PCDHGB2: variants seen among roughly 807,000 people sequenced by gnomAD.
PCDHGB2 encodes the protein protocadherin gamma-B2.
Under a neutral mutation model 59.3 loss-of-function variants are expected in PCDHGB2, and 55 were observed. That is an observed-to-expected ratio of 0.93 (90% CI 0.75 to 1.16). The LOEUF is 1.16. Ranked by LOEUF, PCDHGB2 falls within the 50% of genes most tolerant of loss-of-function variation. The pLI, the probability that PCDHGB2 is intolerant of heterozygous loss-of-function variation, is 0.00. For missense variants in PCDHGB2, 1,228 were observed against 1,198.5 expected, an observed-to-expected ratio of 1.02 and a Z score of -0.36; for synonymous variants, 516 against 512.0, an observed-to-expected ratio of 1.01 and a Z score of -0.11.
chr5:141,360,595 C>G lies in PCDHGB2; in HGVS notation c.460C>G (p.Leu154Val). ...CACTAAGCCAGGTACAACATTTCCA[C>G]TTGACCCAGCCCTGGATTCAGATGT... ...ESTKPGTTFP[L>V]DPALDSDVGP... The change falls in exon 1 of 4, where the codon CTT (leucine) becomes GTT (valine). Residue 154 changes from leucine (L) to valine (V), a missense_variant. Around this residue, in one of 3 missense-constraint regions of PCDHGB2, gnomAD observed 781 missense variants for 721.6 expected, o/e 1.08. Coordinates refer to ENST00000522605, the MANE Select transcript of PCDHGB2 (RefSeq NM_018923.3). The G allele has an allele frequency of 1.2e-6, 2 of 1,614,022 alleles. No homozygotes were observed. The highest frequency in any genetic ancestry group is 1.7e-6 in the Non-Finnish European group (2 of 1,179,898).
intron 1 of PCDHGB2, chr5:141,408,721 C>T (rs994778084): frequency 6.2e-7 from 1 of 1,611,372 alleles, no homozygotes; most frequent in Non-Finnish European, 8.5e-7. Flanking sequence ...ATAAGATAAA[C>T]TCTAATCCTT....
intron 1 of PCDHGB2, chr5:141,398,580 A>T: frequency 1.2e-6 from 2 of 1,614,044 alleles, no homozygotes; most frequent in Non-Finnish European, 1.7e-6. Flanking sequence ...CTGGCACAAG[A>T]TTTATACTAG....
At chr5:141,401,548 G>T (rs1291544476) in intron 1 of PCDHGB2, among the ~76,000 whole-genome samples, 1 of 152,162 alleles carries the variant, frequency 6.6e-6, no homozygotes, top group Non-Finnish European at 1.5e-5. Context: ...AAAAGGAAAT[G>T]CTATTGCCTG....
At chr5:141,399,231 T>C in intron 1 of PCDHGB2, 1 of 1,613,942 alleles carries the variant, frequency 6.2e-7, no homozygotes, top group Non-Finnish European at 8.5e-7. Flanking sequence ...TCAAAATACA[T>C]GACCAAGATT....
intron 1 of PCDHGB2, chr5:141,366,152 C>G: frequency 1.2e-6 from 2 of 1,614,138 alleles, no homozygotes; most frequent in Non-Finnish European, 1.7e-6. Context: ...GTCCTACCGC[C>G]TGCTTAAGGC....
chr5:141,415,163 C>G (rs572456395), intron 1 of PCDHGB2: 11 of 1,613,856 alleles, frequency 6.8e-6, no homozygotes, highest in African/African-American at 1.3e-5. Context: ...GCCACTGTCA[C>G]GCTCACCGTG....
At chr5:141,467,393 T>C (rs1409255781) in intron 1 of PCDHGB2, among the ~76,000 whole-genome samples, 3 of 152,124 alleles carry the variant, frequency 2.0e-5, no homozygotes, top group African/African-American at 7.2e-5. Flanking sequence ...TTTTAAGTCA[T>C]AGTTAGAAAG....
intron 1 of PCDHGB2, chr5:141,403,036 C>T: frequency 1.9e-6 from 3 of 1,614,080 alleles, no homozygotes; most frequent in Non-Finnish European, 2.5e-6. Context: ...AGGCCAGGGC[C>T]AGTCAGATTC....
intron 3 of PCDHGB2, among the ~76,000 whole-genome samples, chr5:141,510,553 A>G (rs1471878583): frequency 6.6e-6 from 1 of 152,162 alleles, no homozygotes; most frequent in Non-Finnish European, 1.5e-5. Context: ...TGTTTTGAGC[A>G]CTTACATCTA....
intron 1 of PCDHGB2, chr5:141,391,541 G>T (rs2092385789): frequency 6.6e-6 from 1 of 152,056 alleles, no homozygotes; most frequent in South Asian, 2.1e-4. Flanking sequence ...GGTTTCCATT[G>T]TCTACCCAGT....
chr5:141,418,411 C>T, intron 1 of PCDHGB2: 1 of 1,613,986 alleles, frequency 6.2e-7, no homozygotes, highest in East Asian at 2.2e-5. Flanking sequence ...TGGAGAAAGA[C>T]AATCCTGATG....
intron 1 of PCDHGB2, among the ~76,000 whole-genome samples, chr5:141,437,415 G>A: frequency 6.6e-6 from 1 of 152,162 alleles, no homozygotes; most frequent in Non-Finnish European, 1.5e-5. Context: ...GAAGTATTAT[G>A]CTTTTTGAAG....
In PCDHGB2 at chr5:141,489,183, G is replaced by A. The variant is rs2099683673; in HGVS notation, c.2422-5624G>A. 7.9e-7 allele frequency: 1 copy of A among 1,270,400 alleles called. No individual in the cohort carries two copies. Among genetic ancestry groups the A allele is most frequent in the Non-Finnish European group, 1.1e-6 (1 of 913,958 alleles). The allele number at this position is 1,270,400 out of a possible 1,614,324, so 78.7% of individuals were successfully genotyped here. A position where few individuals can be genotyped will look rare whatever the true frequency, so the allele number is the denominator to read the frequency against. ...TTCAGCTGCTGCATTCCAAGCCCTGGGTCTACCTTGGAGACAGGACAGCAC... is the reference window on the plus strand; with the variant it reads ...TTCAGCTGCTGCATTCCAAGCCCTGAGTCTACCTTGGAGACAGGACAGCAC... On this transcript the variant is annotated intron_variant, in intron 1 of 3. Transcript: ENST00000522605. The surrounding 1 kb of genome is among the most constrained non-coding windows in gnomAD (Gnocchi z 4.5).
chr5:141,476,098 G>A lies in PCDHGB2; in HGVS notation c.2422-18709G>A, dbSNP rs1241353656. The A allele has an allele frequency of 4.5e-6, 7 of 1,573,026 alleles. No homozygotes were observed. Among genetic ancestry groups the A allele is most frequent in the Non-Finnish European group, 6.0e-6 (7 of 1,163,102 alleles). ...AGGGACGATCTGGACCCCGCTGAGA[G>A]GAACTGCTTTTGAGTGAGATGGTCC... On this transcript the variant is annotated intron_variant, in intron 1 of 3. Transcript: ENST00000522605. This position sits in a 1 kb window ranked among gnomAD's most constrained non-coding sequence, Gnocchi z 7.6.
chr5:141,408,526 T>C, intron 1 of PCDHGB2: 3 of 1,614,028 alleles, frequency 1.9e-6, no homozygotes, highest in Non-Finnish European at 2.5e-6. Flanking sequence ...AATTGGAAGC[T>C]GTGGTGGAAA....
In PCDHGB2 at chr5:141,487,694, AC is replaced by A. The variant is rs1296386169; in HGVS notation, c.2422-7112del. On this transcript the variant is annotated intron_variant, in intron 1 of 3. Coordinates refer to ENST00000522605, the MANE Select transcript of PCDHGB2 (RefSeq NM_018923.3). The surrounding 1 kb of genome is among the most constrained non-coding windows in gnomAD (Gnocchi z 5.0). ...ATGGCTAGGCCATGTCCTAGAGAGT[AC>A]TGGCCTCTCAGTAAGTGCCCATAGT... is the stretch of plus-strand genomic sequence containing the variant. The A allele has an allele frequency of 6.2e-7, 1 of 1,602,048 alleles. No individual in the cohort carries two copies. The highest frequency in any genetic ancestry group is 2.2e-5 in the East Asian group (1 of 44,642).
At chr5:141,400,747 G>GCTT (rs1302066014) in intron 1 of PCDHGB2, 9 of 602,662 alleles carry the variant, frequency 1.5e-5, no homozygotes, top group Admixed American at 6.5e-5. Context: ...TTTGCTCTTA[G>GCTT]CTTCCTCTCT....
chr5:141,421,404 G>A, intron 1 of PCDHGB2: 17 of 1,614,080 alleles, frequency 1.1e-5, no homozygotes, highest in Non-Finnish European at 1.4e-5. Flanking sequence ...AGCCCCGGGA[G>A]CTGGCGAAGC....
At chr5:141,417,637 A>ATCCCTCAGCCTCTAGCCTGGGAT (rs2096141530) in intron 1 of PCDHGB2, 1 of 724,654 alleles carries the variant, frequency 1.4e-6, no homozygotes, top group Admixed American at 3.5e-5. Flanking sequence ...GACGCCGGGG[A>ATCCCTCAGCCTCTAGCCTGGGAT]TCCCTCAGCC....
Sources: gnomAD v4.1 joint callset for allele counts (sites outside exome capture counted in the v4.1 genomes callset) on GRCh38, gnomAD v4.1.1 for gene constraint, gnomAD v4.1.1 regional missense constraint, Gnocchi (gnomAD v3.1) non-coding constraint, MANE v1.5 for transcripts, NCBI Gene and HGNC (gene_info 2026-07-23, HGNC 2026-07-21) for gene names.